Variants in USP6NL observed in about 807,000 individuals in gnomAD.
USP6NL encodes USP6 N-terminal like.
USP6NL carries 26 observed loss-of-function variants against 61.9 expected under a neutral mutation model. That is an observed-to-expected ratio of 0.42 (90% confidence interval 0.31 to 0.58). The LOEUF is 0.58. Among genes scored for constraint, USP6NL ranks in the 20% least tolerant of loss-of-function variants. USP6NL has a pLI of 0.16. For synonymous variants in USP6NL, 432 were observed against 390.1 expected, an observed-to-expected ratio of 1.11 and a Z score of -1.27; for missense variants, 1,114 against 1,034.3, an observed-to-expected ratio of 1.08 and a Z score of -1.06.
At chr10:11,552,737 A>G (rs1031218578) in intron 2 of USP6NL, among the ~76,000 whole-genome samples, 2 of 152,242 alleles carry the variant, frequency 1.3e-5, no homozygotes, top group African/African-American at 2.4e-5. Flanking sequence ...ATTTCCTTAC[A>G]AGGAACCCCT....
At chr10:11,601,206 T>C (rs979395855) in intron 1 of USP6NL, among the ~76,000 whole-genome samples, 2 of 152,100 alleles carry the variant, frequency 1.3e-5, no homozygotes, top group African/African-American at 4.8e-5. Flanking sequence ...TCAACAAATA[T>C]CACAAGTATT....
At chr10:11,573,866 C>T (rs1407295984) in intron 2 of USP6NL, 2 of 386,252 alleles carry the variant, frequency 5.2e-6, no homozygotes, top group African/African-American at 2.1e-5. Flanking sequence ...AAAGGATAGG[C>T]TGTATCTTCT....
rs2096214386 is a variant in USP6NL, at chr10:11,461,560, G to C, written c.*881C>G. ...TGTGGCTGCCCCACATGAGTACTGT[G>C]AGCACTGAGGGATCAGTAAGCTGCA... is the stretch of plus-strand genomic sequence containing the variant. On this transcript the variant is annotated 3_prime_UTR_variant, in exon 15 of 15. Coordinates refer to ENST00000609104, the MANE Select transcript of USP6NL (RefSeq NM_014688.5). The C allele has an allele frequency of 6.6e-6, 1 of 152,224 alleles. No individual in the cohort carries two copies. Among genetic ancestry groups the C allele is most frequent in the South Asian group, 2.1e-4 (1 of 4,830 alleles). The allele number at this position is 152,224 out of a possible 1,614,324, so 9.4% of individuals were successfully genotyped here.
Position 11,574,840 on chromosome 10 carries a change from C to G in USP6NL, c.4+22791G>C, listed in dbSNP as rs1049872466. Among the ~76,000 whole-genome samples the G allele has an allele frequency of 1.3e-5, 2 of 152,182 alleles. No homozygotes were observed. The highest frequency in any genetic ancestry group is 2.9e-5 in the Non-Finnish European group (2 of 68,032). On this transcript the variant is annotated intron_variant, in intron 2 of 14. Coordinates refer to ENST00000609104, the MANE Select transcript of USP6NL (RefSeq NM_014688.5). This position sits in a 1 kb window ranked among gnomAD's most constrained non-coding sequence, Gnocchi z 4.3. ...GGACAACTGAGCACAGTGAATCAACCAAGGTTACAAGTAAACCGATCCAAA... is the reference window on the plus strand; with the variant it reads ...GGACAACTGAGCACAGTGAATCAACGAAGGTTACAAGTAAACCGATCCAAA...
intron 2 of USP6NL, among the ~76,000 whole-genome samples, chr10:11,530,821 G>GT (rs1835627214): frequency 6.6e-6 from 1 of 152,240 alleles, no homozygotes; most frequent in Non-Finnish European, 1.5e-5. Flanking sequence ...CTTATGTAGG[G>GT]TTTGCTATAG....
chr10:11,491,866 C>T lies in USP6NL; in HGVS notation c.495-986G>A, dbSNP rs747458014. On this transcript the variant is annotated intron_variant, in intron 8 of 14. Transcript: ENST00000609104. The surrounding 1 kb of genome is among the most constrained non-coding windows in gnomAD (Gnocchi z 4.7). ...GAGGGCAAAGGGAATATGGAATGGG[C>T]AGTGAAACGTGGCATTATAAACACC... is the stretch of plus-strand genomic sequence containing the variant. Among the ~76,000 whole-genome samples, 4 of 152,192 alleles carry T rather than the reference C, an allele frequency of 2.6e-5. No homozygotes were observed. The highest frequency in any genetic ancestry group is 5.9e-5 in the Non-Finnish European group (4 of 68,034).
At chr10:11,535,865 A>G (rs964258209) in intron 2 of USP6NL, among the ~76,000 whole-genome samples, 1 of 152,178 alleles carries the variant, frequency 6.6e-6, no homozygotes, top group Non-Finnish European at 1.5e-5. Flanking sequence ...TCCTCACTGT[A>G]CCACAGATTA....
At position 11,502,722 on chromosome 10, in the gene USP6NL, G is replaced by C. The variant is rs1469878612; in HGVS notation, c.277-1514C>G. Among the ~76,000 whole-genome samples, 5 of 152,276 alleles carry C rather than the reference G, an allele frequency of 3.3e-5. No individual in the cohort carries two copies. In the East Asian group the frequency reaches 9.6e-4, roughly 29 times the overall value. ...AAGAAACTTCGATCATGTGGTTGAA[G>C]GTGAGTGACAAAGATGAACAACTTT... On this transcript the variant is annotated intron_variant, in intron 6 of 14. Transcript: ENST00000609104.
chr10:11,579,970 G>GGGGA (rs1837691335), intron 2 of USP6NL, among the ~76,000 whole-genome samples: 1 of 145,756 alleles, frequency 6.9e-6, no homozygotes, highest in Non-Finnish European at 1.5e-5. Context: ...TGGCGGGGGG[G>GGGGA]GGGCAGCAAC....
In USP6NL at chr10:11,597,532, CA is replaced by C; in HGVS notation, c.4+98del. 1 of 1,265,872 alleles carries C rather than the reference CA, an allele frequency of 7.9e-7. No individual in the cohort carries two copies. Among genetic ancestry groups the C allele is most frequent in the Non-Finnish European group, 1.1e-6 (1 of 886,648 alleles). 78.4% of individuals were successfully genotyped at this position (1,265,872 alleles called of 1,614,324 possible). ...CCACATTCAAACTCTGAATAAGTGA[CA>C]TAATTCCAATTTATTCAGTAACATG... On this transcript the variant is annotated intron_variant, in intron 2 of 14. Transcript: ENST00000609104. The surrounding 1 kb of genome is among the most constrained non-coding windows in gnomAD (Gnocchi z 4.6).
rs192201303 is a variant in USP6NL, at chr10:11,605,987, C to T, written c.-84+5456G>A. On this transcript the variant is annotated intron_variant, in intron 1 of 14. Transcript: ENST00000609104. The stretch of plus-strand genomic sequence containing the variant: ...GTGGCTGAGAACTTGCCAAAATTGA[C>T]GAAAGACATCAAGTCACGGTATCAA... Among the ~76,000 whole-genome samples the T allele has an allele frequency of 2.4e-3, 358 of 152,044 alleles. 1 individual carries two copies. Among genetic ancestry groups the T allele is most frequent in the African/African-American group, 8.3e-3 (344 of 41,454 alleles).
intron 1 of USP6NL, among the ~76,000 whole-genome samples, chr10:11,605,433 C>G (rs1019887257): frequency 6.6e-6 from 1 of 152,086 alleles, no homozygotes; most frequent in Non-Finnish European, 1.5e-5. Flanking sequence ...GAAAAAAATC[C>G]TTACCTAACC....
intron 3 of USP6NL, 137 bp downstream of exon 3, chr10:11,527,363 A>G (rs1157823094): frequency 2.9e-6 from 2 of 695,060 alleles, no homozygotes; most frequent in Non-Finnish European, 4.8e-6. Context: ...AGATGAAGTC[A>G]GCGAAGATGA....
chr10:11,462,749 C>G lies in USP6NL; in HGVS notation c.2179G>C (p.Val727Leu), dbSNP rs1280769727. ...PKNGKLIIPP[V>L]DYLPDNRTWS... is the part of the protein sequence containing the mutation. ...GTTCTGTTATCTGGCAAGTAATCCA[C>G]TGGTGGAATGATCAATTTTCCATTC... Residue 727 changes from valine (V) to leucine (L), a missense_variant, in exon 15 of 15, where the codon GTG becomes CTG. Coordinates refer to ENST00000609104, the MANE Select transcript of USP6NL (RefSeq NM_014688.5). 2.5e-6 allele frequency: 4 copies of G among 1,613,900 alleles called. No homozygotes were observed. The highest frequency in any genetic ancestry group is 2.2e-5 in the East Asian group (1 of 44,894).
In USP6NL at chr10:11,521,530, G is replaced by A. The variant is rs749444929; in HGVS notation, c.156-2956C>T. On this transcript the variant is annotated intron_variant, in intron 4 of 14. Coordinates refer to ENST00000609104, the MANE Select transcript of USP6NL (RefSeq NM_014688.5). The stretch of plus-strand genomic sequence containing the variant: ...CAAGTAGCTGGGATTATAGGAGCGC[G>A]CCACCACGCCTGGCTAATTTTTTGT... 5.7e-4 allele frequency among the ~76,000 whole-genome samples: 87 copies of A among 151,626 alleles called. 1 individual carries two copies. Among genetic ancestry groups the A allele is most frequent in the Admixed American group, 9.9e-4 (15 of 15,198 alleles).
rs913649258 is a variant in USP6NL at position 11,595,010 on chromosome 10, G to C, written c.4+2621C>G. On this transcript the variant is annotated intron_variant, in intron 2 of 14. Transcript: ENST00000609104. The surrounding 1 kb of genome is among the most constrained non-coding windows in gnomAD (Gnocchi z 5.3). ...CACCTCCCAACTGGAGTGCTGTGTG[G>C]GTGACAGGCAGTGGCTCTAGGAACT... Among the ~76,000 whole-genome samples, 1 of 152,190 alleles carries C rather than the reference G, an allele frequency of 6.6e-6. No individual in the cohort carries two copies. The highest frequency in any genetic ancestry group is 1.5e-5 in the Non-Finnish European group (1 of 68,034).
intron 2 of USP6NL, among the ~76,000 whole-genome samples, chr10:11,529,344 C>T (rs1835552289): frequency 6.6e-6 from 1 of 152,098 alleles, no homozygotes; most frequent in East Asian, 1.9e-4. Context: ...TGTATAAAAT[C>T]TTTCTGGAAA....
At chr10:11,555,471 A>AGAGAGAAAGAGAGAGAG (rs1566178235) in intron 2 of USP6NL, among the ~76,000 whole-genome samples, 3 of 62,210 alleles carry the variant, frequency 4.8e-5, no homozygotes, top group African/African-American at 2.1e-4. Context: ...GAGAGAGAGA[A>AGAGAGAAAGAGAGAGAG]AGAGAGAGAG....
intron 2 of USP6NL, among the ~76,000 whole-genome samples, chr10:11,554,662 C>T (rs544693765): frequency 2.6e-5 from 4 of 151,748 alleles, no homozygotes; most frequent in Admixed American, 6.6e-5. Flanking sequence ...AAGAAGTTAA[C>T]AGCTGAACCA....
Sources: allele counts gnomAD v4.1 joint callset (sites outside exome capture counted in the v4.1 genomes callset), GRCh38; gene constraint gnomAD v4.1.1; non-coding constraint Gnocchi (gnomAD v3.1); transcripts MANE v1.5; gene names NCBI Gene and HGNC (gene_info 2026-07-23, HGNC 2026-07-21).